Variants in GRIA4 observed in about 807,000 individuals in gnomAD.
GRIA4 encodes glutamate ionotropic receptor AMPA type subunit 4.
In GRIA4, 34 loss-of-function variants were observed where a neutral mutation model predicts 104.0. The observed-to-expected ratio is 0.33, with a 90% CI of 0.25 to 0.44. GRIA4 has a LOEUF of 0.44. Among genes scored for constraint, GRIA4 ranks in the 20% least tolerant of loss-of-function variants. The probability of loss-of-function intolerance (pLI) is 1.00; values close to 1 mark genes in which losing one functional copy is unlikely to be tolerated. For synonymous variants in GRIA4, 386 were observed against 381.9 expected, an observed-to-expected ratio of 1.01 and a Z score of -0.13; for missense variants, 750 against 1,096.5, an observed-to-expected ratio of 0.68 and a Z score of 4.46.
intron 3 of GRIA4, among the ~76,000 whole-genome samples, chr11:105,722,206 G>A (rs543064787): frequency 6.6e-6 from 1 of 152,154 alleles, no homozygotes; most frequent in Non-Finnish European, 1.5e-5. Context: ...ACTTTTTGTG[G>A]TTGGACTTAA....
At chr11:105,921,350 T>TGTGTGTGTGTGTG in intron 11 of GRIA4, among the ~76,000 whole-genome samples, 1 of 150,496 alleles carries the variant, frequency 6.6e-6, no homozygotes, top group Non-Finnish European at 1.5e-5. Context: ...TGTGTGTGTG[T>TGTGTGTGTGTGTG]TTTAGTCCAA....
At chr11:105,664,630 T>C (rs1952111377) in intron 3 of GRIA4, among the ~76,000 whole-genome samples, 1 of 151,968 alleles carries the variant, frequency 6.6e-6, no homozygotes, top group Non-Finnish European at 1.5e-5. Context: ...GATAATTTAC[T>C]GAAAACAACC....
At chr11:105,614,316 T>C (rs184440722) in intron 3 of GRIA4, 11 of 151,982 alleles carry the variant, frequency 7.2e-5, no homozygotes, top group African/African-American at 2.6e-4. Flanking sequence ...ATGTAAACTA[T>C]ATGAGGCTAA....
At chr11:105,854,277 G>A (rs571657488) in intron 4 of GRIA4, among the ~76,000 whole-genome samples, 24 of 152,236 alleles carry the variant, frequency 1.6e-4, no homozygotes, top group Non-Finnish European at 3.2e-4. Context: ...TTTAGATAAA[G>A]TAACCCAGAA....
At chr11:105,889,279 T>C (rs745931114) in intron 6 of GRIA4, among the ~76,000 whole-genome samples, 2 of 152,184 alleles carry the variant, frequency 1.3e-5, no homozygotes, top group Non-Finnish European at 2.9e-5. Context: ...CGTTCCAGTA[T>C]ATGAAGTAGA....
chr11:105,932,149 T>C (rs1408415894), intron 13 of GRIA4, among the ~76,000 whole-genome samples: 1 of 149,448 alleles, frequency 6.7e-6, no homozygotes, highest in Non-Finnish European at 1.5e-5. Flanking sequence ...TCTTTTTTTC[T>C]TTTTTTTTAG....
chr11:105,786,745 C>G (rs916727837), intron 4 of GRIA4, among the ~76,000 whole-genome samples: 1 of 152,142 alleles, frequency 6.6e-6, no homozygotes, highest in Non-Finnish European at 1.5e-5. Flanking sequence ...TGCTATTACT[C>G]TGCAGGAGAA....
At chr11:105,734,920 C>T (rs1038332444) in intron 3 of GRIA4, among the ~76,000 whole-genome samples, 3 of 152,118 alleles carry the variant, frequency 2.0e-5, no homozygotes, top group African/African-American at 7.2e-5. Flanking sequence ...CCCCCAGCAC[C>T]TGGCAGTGTC....
At chr11:105,764,808 C>G (rs999307504) in intron 4 of GRIA4, among the ~76,000 whole-genome samples, 3 of 151,654 alleles carry the variant, frequency 2.0e-5, no homozygotes, top group African/African-American at 7.3e-5. Context: ...AAAAAAAAAG[C>G]TTTAGAGAGG....
At chr11:105,696,658 A>T (rs1953287493) in intron 3 of GRIA4, among the ~76,000 whole-genome samples, 1 of 152,206 alleles carries the variant, frequency 6.6e-6, no homozygotes, top group African/African-American at 2.4e-5. Flanking sequence ...AATTTAATTA[A>T]TTGAAATGTT....
chr11:105,957,640 A>C (rs1948625166), intron 14 of GRIA4, among the ~76,000 whole-genome samples: 1 of 152,146 alleles, frequency 6.6e-6, no homozygotes, highest in African/African-American at 2.4e-5. Flanking sequence ...TTTTCCAGTT[A>C]TGTGAAGAAA....
chr11:105,625,815 A>G (rs932889988), intron 3 of GRIA4, among the ~76,000 whole-genome samples: 1 of 152,074 alleles, frequency 6.6e-6, no homozygotes, highest in Non-Finnish European at 1.5e-5. Flanking sequence ...TTTTTTCCAC[A>G]CAAATTGCTA....
chr11:105,796,114 T>G (rs1203490037), intron 4 of GRIA4, among the ~76,000 whole-genome samples: 1 of 152,134 alleles, frequency 6.6e-6, no homozygotes, highest in Non-Finnish European at 1.5e-5. Flanking sequence ...CCATTTCAAT[T>G]TTATCTTCAG....
At chr11:105,710,814 T>A (rs1000041875) in intron 3 of GRIA4, among the ~76,000 whole-genome samples, 12 of 152,258 alleles carry the variant, frequency 7.9e-5, no homozygotes, top group Middle Eastern at 3.4e-3. Context: ...AAACCAAGTA[T>A]GGTATCCAGT....
chr11:105,786,144 C>CAAAAAAAA (rs34888562), intron 4 of GRIA4, among the ~76,000 whole-genome samples: 1 of 89,298 alleles, frequency 1.1e-5, no homozygotes, highest in Non-Finnish European at 2.1e-5. Context: ...GACCCTTTCT[C>CAAAAAAAA]AAAAAAAAAA....
chr11:105,955,556 C>T (rs922599997), intron 14 of GRIA4, among the ~76,000 whole-genome samples: 1 of 152,138 alleles, frequency 6.6e-6, no homozygotes, highest in African/African-American at 2.4e-5. Flanking sequence ...CATGTCTTTG[C>T]TATTGTACAC....
chr11:105,744,766 T>C (rs1939540871), intron 3 of GRIA4, among the ~76,000 whole-genome samples: 1 of 152,194 alleles, frequency 6.6e-6, no homozygotes, highest in South Asian at 2.1e-4. Flanking sequence ...TTGGATAATA[T>C]TAAAGACAAG....
rs1940092887 is a variant in GRIA4, at chr11:105,752,974, G to T, written c.248-7G>T. ...TAGTTTGTGGTGTTTTCTTCCTCTT[G>T]TTTCAGTCTGTTCCCAGTATTCTAG... On this transcript the variant is annotated splice_polypyrimidine_tract_variant and splice_region_variant and intron_variant, in intron 3 of 16. Transcript: ENST00000282499. 9.3e-6 allele frequency: 15 copies of T among 1,610,428 alleles called. No homozygotes were observed. Among genetic ancestry groups the T allele is most frequent in the Non-Finnish European group, 1.3e-5 (15 of 1,177,242 alleles).
At chr11:105,855,528 C>G (rs934856909) in intron 4 of GRIA4, among the ~76,000 whole-genome samples, 33 of 151,914 alleles carry the variant, frequency 2.2e-4, no homozygotes, top group African/African-American at 7.7e-4. Context: ...AAAAGTTGTA[C>G]TTTATGAGCA....
Sources: allele counts gnomAD v4.1 joint callset (sites outside exome capture counted in the v4.1 genomes callset), GRCh38; gene constraint gnomAD v4.1.1; transcripts MANE v1.5; gene names NCBI Gene and HGNC (gene_info 2026-07-23, HGNC 2026-07-21).